Variants in GNL2 observed in about 807,000 individuals in gnomAD.
GNL2 encodes the protein G protein nucleolar 2, also known as nucleolar GTP-binding protein 2.
A neutral mutation model predicts 92.3 loss-of-function variants in GNL2; 51 were observed. The ratio of observed to expected loss-of-function variants is 0.55; its 90% CI spans 0.44 to 0.70. The LOEUF (loss-of-function observed/expected upper bound fraction) is 0.70. GNL2 is among the 30% of genes least tolerant of loss of function. The pLI, the probability that GNL2 is intolerant of heterozygous loss-of-function variation, is 0.00. For missense variants in GNL2, 844 were observed against 895.6 expected (o/e 0.94, Z 0.74); for synonymous variants, 283 against 300.6 (o/e 0.94, Z 0.61).
chr1:37,582,378 T>C, intron 7 of GNL2, 42 bp from the exon 8 acceptor site: 1 of 1,118,056 alleles, frequency 8.9e-7, no homozygotes, highest in Non-Finnish European at 1.3e-6. Context: ...CTGCAGTACA[T>C]TTATTTACAT....
At chr1:37,572,293 C>T (rs937318898) in intron 12 of GNL2, among the ~76,000 whole-genome samples, 2 of 152,146 alleles carry the variant, frequency 1.3e-5, no homozygotes, top group Non-Finnish European at 2.9e-5. Flanking sequence ...ATTTCCCAAG[C>T]GATGGGTATC....
rs1643553405 is a variant in GNL2 at position 37,569,011 on chromosome 1, G to C, written c.1708C>G (p.Gln570Glu). 6.2e-7 allele frequency: 1 copy of C among 1,613,986 alleles called. No individual in the cohort carries two copies. The highest frequency in any genetic ancestry group is 1.3e-5 in the African/African-American group (1 of 74,898). The part of the protein sequence containing the change: ...ESFSDEEEEE[Q>E]EQQRDDAEES... The stretch of plus-strand genomic sequence containing the variant: ...TCCGCATCATCTCTTTGTTGCTCCT[G>C]TTCCTCCTCCTCTTCATCAGAAAAG... Residue 570 changes from glutamine (Q) to glutamate (E), a missense_variant, in exon 13 of 16, where the codon CAG (glutamine) becomes GAG (glutamate). Physicochemically the swap from Gln to Glu is conservative, Grantham distance 29. Transcript: ENST00000373062.
In GNL2 at chr1:37,574,408, A is replaced by C. The variant is rs1481799098; in HGVS notation, c.1351T>G (p.Trp451Gly). The C allele has an allele frequency of 7.4e-6, 12 of 1,613,988 alleles. No individual in the cohort carries two copies. Among genetic ancestry groups the C allele is most frequent in the Non-Finnish European group, 8.5e-6 (10 of 1,180,012 alleles). ...QTVGKMVLND[W>G]QRGRIPFFVK... is the part of the protein sequence containing the mutation. ...AAGAAAGGAATCCGGCCCCTCTGCCAGTCATTGAGGACCATCTTACCCACA... is the reference window on the plus strand; with the variant it reads ...AAGAAAGGAATCCGGCCCCTCTGCCCGTCATTGAGGACCATCTTACCCACA... Residue 451 changes from tryptophan (W) to glycine (G), a missense_variant, in exon 12 of 16, where the codon TGG (tryptophan) becomes GGG (glycine). By Grantham distance (184) the Trp-to-Gly change is radical. Coordinates refer to ENST00000373062, the MANE Select transcript of GNL2 (RefSeq NM_013285.3).
At chr1:37,595,680 C>T in intron 1 of GNL2, 79 bp downstream of exon 1, 1 of 1,215,716 alleles carries the variant, frequency 8.2e-7, no homozygotes, top group Non-Finnish European at 1.2e-6. Context: ...GAGTAACCCT[C>T]CTTCCCCTCC....
intron 3 of GNL2, among the ~76,000 whole-genome samples, chr1:37,591,191 C>A (rs1643885431): frequency 6.6e-6 from 1 of 152,130 alleles, no homozygotes; most frequent in South Asian, 2.1e-4. Context: ...AAACCTGGAG[C>A]CAATCACAGC....
At chr1:37,579,418 A>G (rs1379006022) in intron 8 of GNL2, among the ~76,000 whole-genome samples, 1 of 152,052 alleles carries the variant, frequency 6.6e-6, no homozygotes, top group African/African-American at 2.4e-5. Flanking sequence ...GTGGTGGCAC[A>G]TGCCTGTAAT....
chr1:37,592,659 G>A (rs753110614), intron 3 of GNL2, 53 bp downstream of exon 3: 7 of 992,984 alleles, frequency 7.0e-6, no homozygotes, highest in South Asian at 3.9e-5. Flanking sequence ...CATCCTAGCC[G>A]TTTCCACTCA....
At position 37,595,848 on chromosome 1, in the gene GNL2, T is replaced by C; in HGVS notation, c.-26A>G. On this transcript the variant is annotated 5_prime_UTR_variant, in exon 1 of 16. Coordinates refer to ENST00000373062, the MANE Select transcript of GNL2 (RefSeq NM_013285.3). ...CTTGGCGACGAGACCGGGACCGGAG[T>C]GCGAGGTCCGGCTTACGTGGTGAAA... The C allele has an allele frequency of 1.2e-6, 2 of 1,607,456 alleles. No individual in the cohort carries two copies. Among genetic ancestry groups the C allele is most frequent in the Non-Finnish European group, 1.7e-6 (2 of 1,174,034 alleles).
chr1:37,577,045 G>A (rs968130273), intron 8 of GNL2, among the ~76,000 whole-genome samples: 2 of 151,474 alleles, frequency 1.3e-5, no homozygotes, highest in African/African-American at 2.4e-5. Context: ...CTGGGAGGCC[G>A]AAGTTGCAGG....
In GNL2 at chr1:37,567,126, C is replaced by A. The variant is rs138886295; in HGVS notation, c.2044-119G>T. 3.4e-3 allele frequency: 3,541 copies of A among 1,034,398 alleles called. 14 individuals carry two copies. The highest frequency in any genetic ancestry group is 4.4e-3 in the Non-Finnish European group (3,126 of 713,010). The allele number at this position is 1,034,398 out of a possible 1,614,324, so 64.1% of individuals were successfully genotyped here. On this transcript the variant is annotated intron_variant, in intron 15 of 15. Coordinates refer to ENST00000373062, the MANE Select transcript of GNL2 (RefSeq NM_013285.3). ...TCTATTTCCCGTGCTGCTTCCACAG[C>A]TACTGGAAGCAGTGCTAATGAGGGA...
rs371253856 is a variant in GNL2, at chr1:37,587,518, G to C, written c.385-23C>G. The C allele has an allele frequency of 2.6e-6, 4 of 1,521,274 alleles. No homozygotes were observed. In the African/African-American group the frequency reaches 5.6e-5, roughly 21 times the overall value. 94.2% of individuals were successfully genotyped at this position (1,521,274 alleles called of 1,614,324 possible). On this transcript the variant is annotated intron_variant, in intron 4 of 15. Transcript: ENST00000373062. The stretch of plus-strand genomic sequence containing the variant: ...GTTCTGAAGAGAAAGGAGAATAACA[G>C]GTAAAACTAAGAAAAGCACTGAGAA...
At chr1:37,568,600 C>T (rs1643544418) in intron 13 of GNL2, among the ~76,000 whole-genome samples, 1 of 152,280 alleles carries the variant, frequency 6.6e-6, no homozygotes, top group African/African-American at 2.4e-5. Context: ...GCAATAACAG[C>T]CAAGTGTGGT....
chr1:37,593,154 G>A (rs1203267088), intron 2 of GNL2, among the ~76,000 whole-genome samples: 1 of 152,090 alleles, frequency 6.6e-6, no homozygotes, highest in Admixed American at 6.5e-5. Context: ...TTCACGTAGA[G>A]GGTGATTTAC....
chr1:37,574,659 G>C lies in GNL2; in HGVS notation c.1302+6C>G. On this transcript the variant is annotated splice_donor_region_variant and intron_variant, in intron 11 of 15. Transcript: ENST00000373062. Reference sequence around the variant, plus strand: ...TCAGTCTAAATTCTCACAAACGCCGGGTCACCTTTAGTAACTTCCCAGTCC... The same window carrying C: ...TCAGTCTAAATTCTCACAAACGCCGCGTCACCTTTAGTAACTTCCCAGTCC... 1 of 1,612,868 alleles carries C rather than the reference G, an allele frequency of 6.2e-7. No homozygotes were observed. The highest frequency in any genetic ancestry group is 8.5e-7 in the Non-Finnish European group (1 of 1,179,264).
intron 3 of GNL2, 74 bp from the exon 4 acceptor site, chr1:37,590,919 C>A (rs1643884263): frequency 8.0e-7 from 1 of 1,244,068 alleles, no homozygotes; most frequent in Admixed American, 2.3e-5. Context: ...CGGTGAAAGG[C>A]AAGATTTTAA....
chr1:37,592,380 C>A (rs1643892670), intron 3 of GNL2, among the ~76,000 whole-genome samples: 1 of 152,182 alleles, frequency 6.6e-6, no homozygotes, highest in African/African-American at 2.4e-5. Flanking sequence ...ATGCACAAAA[C>A]CTACAAGGCC....
chr1:37,567,587 G>A (rs1570045300), intron 15 of GNL2, 86 bp downstream of exon 15: 1 of 946,344 alleles, frequency 1.1e-6, no homozygotes, highest in East Asian at 2.4e-5. Flanking sequence ...TTGGGATTCA[G>A]CTCTGGACCA....
At chr1:37,589,066 A>C (rs532720901) in intron 4 of GNL2, among the ~76,000 whole-genome samples, 12 of 152,356 alleles carry the variant, frequency 7.9e-5, no homozygotes, top group Middle Eastern at 3.4e-3. Flanking sequence ...AGGATTCAAT[A>C]GTTGCTTAAA....
chr1:37,590,635 A>C, intron 4 of GNL2, 71 bp downstream of exon 4: 1 of 1,260,584 alleles, frequency 7.9e-7, no homozygotes, highest in South Asian at 1.2e-5. Context: ...ACAAAAGACA[A>C]ATATGTTAGA....
Sources: allele counts gnomAD v4.1 joint callset (sites outside exome capture counted in the v4.1 genomes callset), GRCh38; gene constraint gnomAD v4.1.1; transcripts MANE v1.5; gene names NCBI Gene and HGNC (gene_info 2026-07-23, HGNC 2026-07-21).